Variants in UBE2E2 observed in about 807,000 individuals in gnomAD.
UBE2E2 encodes ubiquitin conjugating enzyme E2 E2.
A neutral mutation model predicts 24.7 loss-of-function variants in UBE2E2; 6 were observed. The ratio of observed to expected loss-of-function variants is 0.24; its 90% CI spans 0.13 to 0.48. The LOEUF is 0.48. Among genes scored for constraint, UBE2E2 ranks in the 20% least tolerant of loss-of-function variants. The pLI, the probability that UBE2E2 is intolerant of heterozygous loss-of-function variation, is 0.99. For missense variants in UBE2E2, 169 were observed against 245.0 expected (o/e 0.69, Z 2.07); for synonymous variants, 104 against 83.6 (o/e 1.24, Z -1.33).
rs912971519 is a variant in UBE2E2, at chr3:23,590,187, G to GT, written c.*364dup. The GT allele has an allele frequency of 1.9e-4, 36 of 186,148 alleles. No individual in the cohort carries two copies. The highest frequency in any genetic ancestry group is 1.2e-3 in the South Asian group (6 of 5,162). The allele number at this position is 186,148 out of a possible 1,614,324, so 11.5% of individuals were successfully genotyped here. ...AAGCTTTGTATTACTGTGTGGTTTT[G>GT]TTTTTTTTGTTGTTGTTTATTTGAT... On this transcript the variant is annotated 3_prime_UTR_variant, in exon 6 of 6. Transcript: ENST00000396703.
chr3:23,372,422 C>T (rs1696420999), intron 3 of UBE2E2, among the ~76,000 whole-genome samples: 1 of 152,202 alleles, frequency 6.6e-6, no homozygotes, highest in South Asian at 2.1e-4. Flanking sequence ...CCAACACTGA[C>T]CTCTGTTTCA....
At chr3:23,449,453 G>A (rs754024546) in intron 3 of UBE2E2, among the ~76,000 whole-genome samples, 15 of 152,196 alleles carry the variant, frequency 9.9e-5, no homozygotes, top group South Asian at 6.2e-4. Context: ...TTAAAAATTC[G>A]GATGGGGTAA....
intron 3 of UBE2E2, among the ~76,000 whole-genome samples, chr3:23,314,535 C>A (rs1339863162): frequency 1.3e-5 from 2 of 152,190 alleles, no homozygotes; most frequent in East Asian, 3.8e-4. Flanking sequence ...TGTGTACTTA[C>A]TATTACCAGT....
intron 3 of UBE2E2, among the ~76,000 whole-genome samples, chr3:23,282,422 G>A (rs1698510268): frequency 6.6e-6 from 1 of 152,118 alleles, no homozygotes; most frequent in Non-Finnish European, 1.5e-5. Context: ...TCTTCTCTCA[G>A]CAGATTATGA....
rs573436525 is a variant in UBE2E2, at chr3:23,407,003, T to C, written c.228-92605T>C. On this transcript the variant is annotated intron_variant, in intron 3 of 5. Coordinates refer to ENST00000396703, the MANE Select transcript of UBE2E2 (RefSeq NM_152653.4). The surrounding 1 kb of genome is among the most constrained non-coding windows in gnomAD (Gnocchi z 4.0). ...GGTCCACAGGAAAGCCCATTCCAAATTGTAAAGCAATCATATTTGGTGATA... is the reference window on the plus strand; with the variant it reads ...GGTCCACAGGAAAGCCCATTCCAAACTGTAAAGCAATCATATTTGGTGATA... 6.6e-6 allele frequency among the ~76,000 whole-genome samples: 1 copy of C among 152,318 alleles called. No homozygotes were observed. The highest frequency in any genetic ancestry group is 2.1e-4 in the South Asian group (1 of 4,830).
chr3:23,538,875 A>G (rs989436400), intron 5 of UBE2E2, among the ~76,000 whole-genome samples: 6 of 152,214 alleles, frequency 3.9e-5, no homozygotes, highest in Non-Finnish European at 5.9e-5. Context: ...TACTTTGTCA[A>G]TTCTGTAAAA....
chr3:23,205,297 C>T (rs1225455171), intron 1 of UBE2E2, among the ~76,000 whole-genome samples: 1 of 152,070 alleles, frequency 6.6e-6, no homozygotes, highest in Non-Finnish European at 1.5e-5. Flanking sequence ...AGTTTATCTT[C>T]CCTGTAGATG....
intron 3 of UBE2E2, among the ~76,000 whole-genome samples, chr3:23,222,074 C>T (rs939651413): frequency 6.6e-6 from 1 of 152,030 alleles, no homozygotes; most frequent in Non-Finnish European, 1.5e-5. Context: ...ATTTTTAGCT[C>T]TCATGTAAGA....
At chr3:23,517,001 A>G (rs548490004) in intron 4 of UBE2E2, among the ~76,000 whole-genome samples, 1 of 152,272 alleles carries the variant, frequency 6.6e-6, no homozygotes, top group Admixed American at 6.5e-5. Flanking sequence ...AATTTTGACT[A>G]AAATAGGAGG....
At chr3:23,523,120 A>C (rs1463835) in intron 4 of UBE2E2, among the ~76,000 whole-genome samples, 4,411 of 152,320 alleles carry the variant, frequency 0.029, 109 homozygotes, top group East Asian at 0.13. Context: ...GAACCAGTGA[A>C]CTTTATTCAT....
At chr3:23,507,542 C>T (rs1053978875) in intron 4 of UBE2E2, among the ~76,000 whole-genome samples, 2 of 152,154 alleles carry the variant, frequency 1.3e-5, no homozygotes, top group Non-Finnish European at 2.9e-5. Context: ...GTTTATTACC[C>T]CCACTTCATG....
At chr3:23,404,051 A>G (rs1164354810) in intron 3 of UBE2E2, among the ~76,000 whole-genome samples, 1 of 152,118 alleles carries the variant, frequency 6.6e-6, no homozygotes, top group Non-Finnish European at 1.5e-5. Context: ...AGTACAAAAG[A>G]CTGTATTCCT....
Position 23,583,328 on chromosome 3 carries a change from A to G in UBE2E2, c.509-6406A>G, listed in dbSNP as rs1406665953. ...CCAGTATCATGCTGTTTTGGTTACT[A>G]TAGCCTTGTAGTATGCTTTGAAGTC... On this transcript the variant is annotated intron_variant, in intron 5 of 5. Transcript: ENST00000396703. The surrounding 1 kb of genome is among the most constrained non-coding windows in gnomAD (Gnocchi z 4.1). 3.3e-5 allele frequency among the ~76,000 whole-genome samples: 5 copies of G among 152,266 alleles called. No individual in the cohort carries two copies. Among genetic ancestry groups the G allele is most frequent in the Admixed American group, 2.0e-4 (3 of 15,300 alleles).
intron 3 of UBE2E2, among the ~76,000 whole-genome samples, chr3:23,230,792 GAAA>G (rs750142399): frequency 1.5e-5 from 1 of 68,604 alleles, no homozygotes; most frequent in African/African-American, 5.0e-5. Context: ...TTCTCAAAAA[GAAA>G]AAAAAAAAAA....
chr3:23,467,795 G>A (rs774268963), intron 3 of UBE2E2, among the ~76,000 whole-genome samples: 1 of 152,152 alleles, frequency 6.6e-6, no homozygotes, highest in Non-Finnish European at 1.5e-5. Flanking sequence ...AGTTTTGTGA[G>A]CTGTACAGGC....
chr3:23,490,071 T>C (rs917390363), intron 3 of UBE2E2, among the ~76,000 whole-genome samples: 10 of 152,228 alleles, frequency 6.6e-5, no homozygotes, highest in Non-Finnish European at 1.0e-4. Context: ...ATTGCAGATA[T>C]TATAATTCAG....
At chr3:23,518,981 A>C (rs1694803657) in intron 4 of UBE2E2, among the ~76,000 whole-genome samples, 1 of 152,180 alleles carries the variant, frequency 6.6e-6, no homozygotes, top group Non-Finnish European at 1.5e-5. Context: ...ATCATATAAC[A>C]ATCCTGTTCC....
intron 3 of UBE2E2, among the ~76,000 whole-genome samples, chr3:23,293,042 C>T (rs1698810259): frequency 6.6e-6 from 1 of 152,162 alleles, no homozygotes; most frequent in Non-Finnish European, 1.5e-5. Flanking sequence ...CATTGCACTC[C>T]AGCCTGGGCA....
chr3:23,305,615 A>G (rs73037784), intron 3 of UBE2E2, among the ~76,000 whole-genome samples: 27,372 of 152,204 alleles, frequency 0.18, 3,116 homozygotes, highest in Middle Eastern at 0.32. Flanking sequence ...GGTCTCTGGG[A>G]TGCTCAGAGG....
Sources: gnomAD v4.1 joint callset for allele counts (sites outside exome capture counted in the v4.1 genomes callset) on GRCh38, gnomAD v4.1.1 for gene constraint, Gnocchi (gnomAD v3.1) non-coding constraint, MANE v1.5 for transcripts, NCBI Gene and HGNC (gene_info 2026-07-23, HGNC 2026-07-21) for gene names.